DYM: variants seen among roughly 807,000 people sequenced by gnomAD.
DYM encodes the protein dymeclin.
Under a neutral mutation model 93.1 loss-of-function variants are expected in DYM, and 78 were observed. The ratio of observed to expected loss-of-function variants is 0.84; its 90% confidence interval spans 0.70 to 1.01. DYM has a LOEUF of 1.01. Among genes scored for constraint, DYM ranks in the 50% least tolerant of loss-of-function variants. The pLI, the probability that DYM is intolerant of heterozygous loss-of-function variation, is 0.00. For missense variants in DYM, 789 were observed against 845.0 expected, an observed-to-expected ratio of 0.93 and a Z score of 0.82; for synonymous variants, 321 against 319.7, an observed-to-expected ratio of 1.00 and a Z score of -0.04.
In DYM at chr18:49,088,545, G is replaced by T. The variant is rs1311934346; in HGVS notation, c.2025+8857C>A. ...CTGCACATTGTGCACATGTACCCTA[G>T]AACTTAAAAAAAAAAAAAAAAAGGC... On this transcript the variant is annotated intron_variant, in intron 17 of 17. Transcript: ENST00000675505. Among the ~76,000 whole-genome samples the T allele has an allele frequency of 8.1e-5, 9 of 111,188 alleles. 1 individual carries two copies. Among genetic ancestry groups the T allele is most frequent in the East Asian group, 2.6e-4 (1 of 3,800 alleles). The allele number at this position is 111,188 out of a possible 152,430, so 72.9% of individuals were successfully genotyped here.
intron 5 of DYM, among the ~76,000 whole-genome samples, chr18:49,372,848 C>T (rs1015540974): frequency 6.6e-6 from 1 of 151,592 alleles, no homozygotes; most frequent in Non-Finnish European, 1.5e-5. Flanking sequence ...AAGAAAAGGT[C>T]TGTCAGTATG....
chr18:49,080,672 G>A (rs1357343440), intron 17 of DYM, among the ~76,000 whole-genome samples: 15 of 146,808 alleles, frequency 1.0e-4, no homozygotes, highest in Admixed American at 8.7e-4. Flanking sequence ...GGACGGGGCG[G>A]CTGCCGGGCA....
intron 3 of DYM, among the ~76,000 whole-genome samples, chr18:49,382,243 C>A (rs1183105672): frequency 1.3e-5 from 2 of 152,060 alleles, no homozygotes; most frequent in African/African-American, 4.8e-5. Context: ...ACTCAATCAG[C>A]GTGTATTTAT....
At chr18:49,237,151 C>T (rs1333876767) in intron 13 of DYM, among the ~76,000 whole-genome samples, 1 of 152,140 alleles carries the variant, frequency 6.6e-6, no homozygotes, top group East Asian at 1.9e-4. Context: ...GGTTAGGTAA[C>T]TTCCCAAGAT....
At chr18:49,067,096 T>C (rs1195073460) in intron 17 of DYM, among the ~76,000 whole-genome samples, 1 of 152,230 alleles carries the variant, frequency 6.6e-6, no homozygotes, top group Non-Finnish European at 1.5e-5. Context: ...ACTATGGAAG[T>C]TCAGTAGAGG....
intron 8 of DYM, among the ~76,000 whole-genome samples, chr18:49,322,877 G>A (rs1196630685): frequency 6.6e-6 from 1 of 152,116 alleles, no homozygotes; most frequent in African/African-American, 2.4e-5. Context: ...CCCCACAAAG[G>A]AAGGTATTAT....
chr18:49,295,913 CTTAT>C (rs113289427), intron 8 of DYM, among the ~76,000 whole-genome samples: 29 of 151,330 alleles, frequency 1.9e-4, no homozygotes, highest in Non-Finnish European at 3.5e-4. Context: ...CAAAACCGTT[CTTAT>C]TTATTTATTT....
chr18:49,438,884 A>G (rs542203104), intron 1 of DYM, among the ~76,000 whole-genome samples: 4 of 152,336 alleles, frequency 2.6e-5, no homozygotes, highest in Non-Finnish European at 4.4e-5. Context: ...ACACACGCAC[A>G]ATCGTCGGCT....
intron 16 of DYM, among the ~76,000 whole-genome samples, chr18:49,098,772 G>C (rs2079821467): frequency 6.6e-6 from 1 of 152,112 alleles, no homozygotes; most frequent in Non-Finnish European, 1.5e-5. Flanking sequence ...TTAATATTTT[G>C]TTCACAGAGT....
chr18:49,255,775 G>A (rs952840582), intron 13 of DYM, among the ~76,000 whole-genome samples: 10 of 151,862 alleles, frequency 6.6e-5, no homozygotes, highest in Admixed American at 5.2e-4. Flanking sequence ...GACCTACTTG[G>A]ACAACACTGA....
intron 16 of DYM, chr18:49,114,536 C>T (rs999433638): frequency 3.1e-5 from 31 of 984,630 alleles, no homozygotes; most frequent in Admixed American, 6.1e-5. Context: ...TCCTCACCTC[C>T]ACTCTGCTTT....
At chr18:49,097,359 G>A (rs761677430) in intron 17 of DYM, 43 bp downstream of exon 17, 1 of 1,557,480 alleles carries the variant, frequency 6.4e-7, no homozygotes, top group Non-Finnish European at 8.9e-7. Context: ...TTTACATCAA[G>A]GGACACGGCA....
At chr18:49,082,452 C>T (rs1204200068) in intron 17 of DYM, among the ~76,000 whole-genome samples, 1 of 152,214 alleles carries the variant, frequency 6.6e-6, no homozygotes, top group East Asian at 1.9e-4. Flanking sequence ...AACTTTCAAC[C>T]ACACTGCATT....
chr18:49,074,374 T>A (rs1011910084), intron 17 of DYM, among the ~76,000 whole-genome samples: 8 of 152,236 alleles, frequency 5.3e-5, no homozygotes, highest in African/African-American at 1.9e-4. Flanking sequence ...ACAGGTTATA[T>A]ACAAATACAC....
At chr18:49,284,315 T>C (rs961479910) in intron 9 of DYM, among the ~76,000 whole-genome samples, 1 of 152,210 alleles carries the variant, frequency 6.6e-6, no homozygotes, top group Admixed American at 6.5e-5. Context: ...TTACATGGAA[T>C]GTAATAAATG....
intron 7 of DYM, among the ~76,000 whole-genome samples, chr18:49,333,258 A>G (rs1309055361): frequency 6.6e-6 from 1 of 152,254 alleles, no homozygotes; most frequent in African/African-American, 2.4e-5. Flanking sequence ...CATGCCTGGC[A>G]CATGGATAGC....
intron 15 of DYM, among the ~76,000 whole-genome samples, chr18:49,140,449 G>A (rs2144396187): frequency 6.6e-6 from 1 of 152,250 alleles, no homozygotes; most frequent in East Asian, 1.9e-4. Context: ...TAATTCCAGT[G>A]TTATGATGAG....
intron 1 of DYM, among the ~76,000 whole-genome samples, chr18:49,441,912 T>C (rs932744525): frequency 1.2e-4 from 18 of 151,732 alleles, no homozygotes; most frequent in African/African-American, 3.9e-4. Flanking sequence ...AATGCCAAGG[T>C]TGGGGAGGGT....
intron 5 of DYM, among the ~76,000 whole-genome samples, chr18:49,370,665 G>A (rs767360533): frequency 6.6e-6 from 1 of 152,162 alleles, no homozygotes; most frequent in Non-Finnish European, 1.5e-5. Context: ...TACTCGGGAG[G>A]CTAAGGCAGG....
Sources: allele counts gnomAD v4.1 joint callset (sites outside exome capture counted in the v4.1 genomes callset), GRCh38; gene constraint gnomAD v4.1.1; transcripts MANE v1.5; gene names NCBI Gene and HGNC (gene_info 2026-07-23, HGNC 2026-07-21).